The following TLN2 variants were observed in gnomAD, a reference collection of about 807,000 sequenced individuals.
TLN2 encodes talin 2, also known as talin-2.
Under a neutral mutation model 294.7 loss-of-function variants are expected in TLN2, and 118 were observed. The ratio of observed to expected loss-of-function variants is 0.40; its 90% CI spans 0.34 to 0.47. The LOEUF is 0.47. Ranked by LOEUF, TLN2 falls within the 20% of genes least tolerant of loss-of-function variation. The pLI, the probability that TLN2 is intolerant of heterozygous loss-of-function variation, is 0.84. For synonymous variants in TLN2, 1,431 were observed against 1,304.5 expected (o/e 1.10, Z -2.09); for missense variants, 3,083 against 3,282.2 (o/e 0.94, Z 1.48).
chr15:62,779,448 CA>C (rs1387209618), intron 43 of TLN2, among the ~76,000 whole-genome samples: 2 of 152,204 alleles, frequency 1.3e-5, no homozygotes, highest in African/African-American at 4.8e-5. Flanking sequence ...CTAGCACCCA[CA>C]AAAGGAGGAA....
intron 36 of TLN2, chr15:62,754,145 G>C: frequency 6.3e-6 from 3 of 475,808 alleles, no homozygotes. Context: ...CAAAAGGAGT[G>C]AAGTAATCAC....
intron 52 of TLN2, among the ~76,000 whole-genome samples, chr15:62,818,714 G>T (rs1003402218): frequency 5.9e-5 from 9 of 152,118 alleles, no homozygotes; most frequent in South Asian, 2.1e-4. Context: ...GTTAGTTGTT[G>T]CTCACTTAGG....
intron 1 of TLN2, among the ~76,000 whole-genome samples, chr15:62,555,688 T>A (rs917677089): frequency 4.6e-5 from 7 of 152,210 alleles, no homozygotes; most frequent in Non-Finnish European, 8.8e-5. Flanking sequence ...GAGCTGCAAC[T>A]TAATTTGTAT....
intron 1 of TLN2, chr15:62,453,830 G>A (rs1295081665): frequency 1.3e-5 from 2 of 152,422 alleles, no homozygotes; most frequent in African/African-American, 4.8e-5. Flanking sequence ...CTAGGTTCCT[G>A]TGGCTGGTTT....
intron 4 of TLN2, among the ~76,000 whole-genome samples, chr15:62,649,307 G>C (rs1031754345): frequency 1.1e-4 from 16 of 151,708 alleles, no homozygotes; most frequent in Non-Finnish European, 1.9e-4. Flanking sequence ...TTTTGGTGGG[G>C]GTGGGGAGCT....
chr15:62,592,929 T>G (rs759484670), intron 2 of TLN2, among the ~76,000 whole-genome samples: 26 of 152,252 alleles, frequency 1.7e-4, no homozygotes, highest in Non-Finnish European at 3.2e-4. Context: ...ATTCTGGATT[T>G]GAGATTAAAT....
At chr15:62,739,642 C>G in intron 31 of TLN2, 97 bp downstream of exon 31, 1 of 1,431,732 alleles carries the variant, frequency 7.0e-7, no homozygotes, top group Non-Finnish European at 9.6e-7. Flanking sequence ...GAAAAGGAAC[C>G]TGGAAACAGG....
intron 5 of TLN2, among the ~76,000 whole-genome samples, chr15:62,650,647 G>C (rs2052484969): frequency 6.6e-6 from 1 of 152,140 alleles, no homozygotes; most frequent in Non-Finnish European, 1.5e-5. Flanking sequence ...CAACAAAAAT[G>C]GTTGTGTTAT....
At chr15:62,749,296 C>G (rs554591789) in intron 33 of TLN2, among the ~76,000 whole-genome samples, 8 of 152,306 alleles carry the variant, frequency 5.3e-5, no homozygotes, top group African/African-American at 1.7e-4. Context: ...ATCACAGGAC[C>G]GAAGCATTCT....
intron 11 of TLN2, among the ~76,000 whole-genome samples, chr15:62,684,606 A>G (rs982706783): frequency 1.3e-5 from 2 of 151,972 alleles, no homozygotes; most frequent in African/African-American, 2.4e-5. Context: ...TCACCATCTG[A>G]GGGTTACCAG....
chr15:62,798,089 G>A (rs2065644052), intron 48 of TLN2, among the ~76,000 whole-genome samples: 1 of 152,158 alleles, frequency 6.6e-6, no homozygotes, highest in East Asian at 1.9e-4. Context: ...CTGGGAACTG[G>A]TTATTGGCCT....
At chr15:62,691,507 T>C (rs1478974578) in intron 12 of TLN2, among the ~76,000 whole-genome samples, 2 of 152,234 alleles carry the variant, frequency 1.3e-5, no homozygotes, top group Non-Finnish European at 2.9e-5. Flanking sequence ...CAAGAGAATT[T>C]GCAATTTATT....
At chr15:62,829,095 ATTTATTTT>A (rs2068500565) in intron 54 of TLN2, 1 of 149,902 alleles carries the variant, frequency 6.7e-6, no homozygotes, top group Non-Finnish European at 1.5e-5. Flanking sequence ...TTATTTATTT[ATTTATTTT>A]TCTTTAAAAT....
chr15:62,702,268 G>C, intron 18 of TLN2, 68 bp downstream of exon 18: 1 of 1,487,022 alleles, frequency 6.7e-7, no homozygotes, highest in South Asian at 1.3e-5. Context: ...GGGACCATGG[G>C]GCTCTTGCTT....
At chr15:62,458,674 T>G (rs1595854344) in intron 1 of TLN2, among the ~76,000 whole-genome samples, 1 of 147,996 alleles carries the variant, frequency 6.8e-6, no homozygotes, top group Non-Finnish European at 1.5e-5. Context: ...GAGGCTGAGG[T>G]GGGAGGGTCA....
intron 1 of TLN2, among the ~76,000 whole-genome samples, chr15:62,514,158 G>T (rs1283505364): frequency 1.3e-5 from 2 of 152,136 alleles, no homozygotes; most frequent in Non-Finnish European, 2.9e-5. Context: ...CCTAGTATGC[G>T]AACACCTCCA....
chr15:62,774,705 G>T (rs2063575934), intron 42 of TLN2, among the ~76,000 whole-genome samples: 1 of 152,148 alleles, frequency 6.6e-6, no homozygotes, highest in East Asian at 1.9e-4. Context: ...GAGTGGATGG[G>T]GAGGTAATTC....
intron 2 of TLN2, among the ~76,000 whole-genome samples, chr15:62,607,040 G>A (rs1357993633): frequency 2.0e-5 from 3 of 152,010 alleles, no homozygotes; most frequent in East Asian, 1.9e-4. Context: ...CCTCATCTCC[G>A]GATGAGTTTT....
chr15:62,654,391 T>C lies in TLN2; in HGVS notation c.517+1077T>C, dbSNP rs1005992977. On this transcript the variant is annotated intron_variant, in intron 7 of 58. Coordinates refer to ENST00000636159, the MANE Select transcript of TLN2 (RefSeq NM_015059.3). ...ATCAGGAAGTGTTTCTGGTTTTCTT[T>C]TTTGGGGGGATGTTTAACATCCATC... Among the ~76,000 whole-genome samples the C allele has an allele frequency of 1.1e-4, 17 of 152,286 alleles. 3 individuals are homozygous for C. Among genetic ancestry groups the C allele is most frequent in the Admixed American group, 1.0e-3 (16 of 15,284 alleles).
Sources: gnomAD v4.1 joint callset for allele counts (sites outside exome capture counted in the v4.1 genomes callset) on GRCh38, gnomAD v4.1.1 for gene constraint, MANE v1.5 for transcripts, NCBI Gene and HGNC (gene_info 2026-07-23, HGNC 2026-07-21) for gene names.